Variants in SCARF1 observed in about 807,000 individuals in gnomAD.
The protein encoded by SCARF1 is scavenger receptor class F member 1.
Under a neutral mutation model 76.3 loss-of-function variants are expected in SCARF1, and 49 were observed. That is an observed-to-expected ratio of 0.64 (90% confidence interval 0.51 to 0.81). SCARF1 has a LOEUF of 0.81. SCARF1 is among the 40% of genes least tolerant of loss of function. The pLI, the probability that SCARF1 is intolerant of heterozygous loss-of-function variation, is 0.00. For missense variants in SCARF1, 1,098 were observed against 1,143.9 expected (o/e 0.96, Z 0.58); for synonymous variants, 495 against 474.6 (o/e 1.04, Z -0.56).
In SCARF1 at chr17:1,640,754, C is replaced by T. The variant is rs998120545; in HGVS notation, c.792-88G>A. The T allele has an allele frequency of 2.5e-5, 32 of 1,290,788 alleles. No individual in the cohort carries two copies. The East Asian group carries it at 3.0e-4, about 12-fold the overall frequency. The allele number at this position is 1,290,788 out of a possible 1,614,324, so 80.0% of individuals were successfully genotyped here. A position where few individuals can be genotyped will look rare whatever the true frequency, so the allele number is the denominator to read the frequency against. ...TACCCCTGTACTCCACGCAGGCCTT[C>T]GGGGGCCCTGGAGAGTGTTCGGGTC... is the stretch of plus-strand genomic sequence containing the variant. On this transcript the variant is annotated intron_variant, in intron 4 of 10. Coordinates refer to ENST00000263071, the MANE Select transcript of SCARF1 (RefSeq NM_003693.4). This position sits in a 1 kb window ranked among gnomAD's most constrained non-coding sequence, Gnocchi z 4.7.
At chr17:1,637,114 T>G in intron 8 of SCARF1, 52 bp from the exon 9 acceptor site, 1 of 1,591,718 alleles carries the variant, frequency 6.3e-7, no homozygotes, top group African/African-American at 1.3e-5. Flanking sequence ...CACGGTGACC[T>G]GGGTCACCTT....
In SCARF1 at chr17:1,634,367, G is replaced by C. The variant is rs1909334103; in HGVS notation, c.*391C>G. On this transcript the variant is annotated 3_prime_UTR_variant, in exon 11 of 11. Coordinates refer to ENST00000263071, the MANE Select transcript of SCARF1 (RefSeq NM_003693.4). ...TCGCACCACTGCACTCCAGCCTGGG[G>C]GACAGAGGGAGATTCTGTCTCAAAA... The C allele has an allele frequency of 1.4e-5, 5 of 358,516 alleles. No individual in the cohort carries two copies. Among genetic ancestry groups the C allele is most frequent in the Non-Finnish European group, 2.0e-5 (4 of 203,122 alleles). The allele number at this position is 358,516 out of a possible 1,614,324, so 22.2% of individuals were successfully genotyped here. A position where few individuals can be genotyped will look rare whatever the true frequency, so the allele number is the denominator to read the frequency against.
rs2151102702 is a variant in SCARF1, at chr17:1,645,579, G to A, written c.101+18C>T. The A allele has an allele frequency of 6.3e-7, 1 of 1,599,588 alleles. No homozygotes were observed. The highest frequency in any genetic ancestry group is 8.5e-7 in the Non-Finnish European group (1 of 1,176,728). ...ACCCACCTGCTGGCCACACGCATCA[G>A]ACTCCCACGAGACCCACCTGCTGGC... On this transcript the variant is annotated intron_variant, in intron 1 of 10. Transcript: ENST00000263071. This position sits in a 1 kb window ranked among gnomAD's most constrained non-coding sequence, Gnocchi z 6.3.
At position 1,640,187 on chromosome 17, in the gene SCARF1, G is replaced by C. The variant is rs1053951331; in HGVS notation, c.1011-147C>G. ...GAAGCTCAGGTGCAAATAGGGCCTTGAACTTGGGGCCAAATCCAGCAGGTG... is the reference window on the plus strand; with the variant it reads ...GAAGCTCAGGTGCAAATAGGGCCTTCAACTTGGGGCCAAATCCAGCAGGTG... On this transcript the variant is annotated intron_variant, in intron 5 of 10. Transcript: ENST00000263071. The surrounding 1 kb of genome is among the most constrained non-coding windows in gnomAD (Gnocchi z 4.7). The C allele has an allele frequency of 4.1e-6, 4 of 975,546 alleles. No individual in the cohort carries two copies. Among genetic ancestry groups the C allele is most frequent in the Non-Finnish European group, 5.9e-6 (4 of 672,334 alleles). 60.4% of individuals were successfully genotyped at this position (975,546 alleles called of 1,614,324 possible).
Position 1,643,807 on chromosome 17 carries a change from G to A in SCARF1, c.426C>T (p.Asp142=), listed in dbSNP as rs1474800258. 4 of 1,266,694 alleles carry A rather than the reference G, an allele frequency of 3.2e-6. No individual in the cohort carries two copies. 78.5% of individuals were successfully genotyped at this position (1,266,694 alleles called of 1,614,324 possible). Residue 142 remains aspartate, a synonymous_variant, in exon 4 of 11, where the codon GAC becomes GAT. Coordinates refer to ENST00000263071, the MANE Select transcript of SCARF1 (RefSeq NM_003693.4). ...PCACGPHGRC[D]PATGVCHCEP... is the part of the protein sequence containing the mutation. ...CGCAGTGGCACACGCCGGTCGCGGG[G>A]TCGCAGCGCCCGTGGGGGCCGCAGG...
rs761417015 is a variant in SCARF1 at position 1,644,523 on chromosome 17, G to T, written c.265+311C>A. 1 of 504,300 alleles carries T rather than the reference G, an allele frequency of 2.0e-6. No individual in the cohort carries two copies. Among genetic ancestry groups the T allele is most frequent in the Non-Finnish European group, 3.6e-6 (1 of 280,682 alleles). The allele number at this position is 504,300 out of a possible 1,614,324, so 31.2% of individuals were successfully genotyped here. On this transcript the variant is annotated intron_variant, in intron 3 of 10. Coordinates refer to ENST00000263071, the MANE Select transcript of SCARF1 (RefSeq NM_003693.4). The surrounding 1 kb of genome is among the most constrained non-coding windows in gnomAD (Gnocchi z 4.8). The stretch of plus-strand genomic sequence containing the variant: ...CCTTCCATCCACTGCCCATGTATAA[G>T]GTATATGTGGGAAAGGCAAGTAATA...
rs779875008 is a variant in SCARF1, at chr17:1,645,274, G to T, written c.102-35C>A. ...AAAAAGGGGTCAGCCGGACATGGTG[G>T]GGGGTGCAGCCTGGCCCTGAGGAAG... On this transcript the variant is annotated intron_variant, in intron 1 of 10. Coordinates refer to ENST00000263071, the MANE Select transcript of SCARF1 (RefSeq NM_003693.4). This position sits in a 1 kb window ranked among gnomAD's most constrained non-coding sequence, Gnocchi z 6.3. The T allele has an allele frequency of 3.0e-5, 48 of 1,609,450 alleles. No individual in the cohort carries two copies. In the South Asian group the frequency reaches 5.2e-4, roughly 17 times the overall value.
At chr17:1,642,913 G>A (rs967875642) in intron 4 of SCARF1, among the ~76,000 whole-genome samples, 1 of 152,138 alleles carries the variant, frequency 6.6e-6, no homozygotes, top group Admixed American at 6.5e-5. Context: ...TGTTGGCCAG[G>A]ATGGTCTCGA....
In SCARF1 at chr17:1,645,523, G is replaced by A. The variant is rs533023049; in HGVS notation, c.101+74C>T. On this transcript the variant is annotated intron_variant, in intron 1 of 10. Coordinates refer to ENST00000263071, the MANE Select transcript of SCARF1 (RefSeq NM_003693.4). The surrounding 1 kb of genome is among the most constrained non-coding windows in gnomAD (Gnocchi z 6.3). Reference sequence around the variant, plus strand: ...TCCTTCCCCTAACGGCCTCAACACCGGTTCAGCCACCCGCATCAGACTCCC... The same window carrying A: ...TCCTTCCCCTAACGGCCTCAACACCAGTTCAGCCACCCGCATCAGACTCCC... 1.2e-5 allele frequency: 19 copies of A among 1,552,430 alleles called. No homozygotes were observed. The highest frequency in any genetic ancestry group is 4.7e-5 in the South Asian group (4 of 85,722).
intron 7 of SCARF1, 129 bp downstream of exon 7, chr17:1,639,510 A>G (rs75446987): frequency 7.4e-4 from 40 of 54,232 alleles, no homozygotes; most frequent in Middle Eastern, 7.4e-3. Flanking sequence ...GTCTTAAGGG[A>G]AAAAAAAAAA....
Position 1,640,306 on chromosome 17 carries a change from C to T in SCARF1, c.1010+142G>A. ...CCAGGCCCCCCCAGAACCCACTGCT[C>T]TCCCCCAGTCTTCAACAGGAGGGAG... On this transcript the variant is annotated intron_variant, in intron 5 of 10. Coordinates refer to ENST00000263071, the MANE Select transcript of SCARF1 (RefSeq NM_003693.4). The surrounding 1 kb of genome is among the most constrained non-coding windows in gnomAD (Gnocchi z 4.7). 1 of 858,044 alleles carries T rather than the reference C, an allele frequency of 1.2e-6. No homozygotes were observed. Among genetic ancestry groups the T allele is most frequent in the Non-Finnish European group, 1.8e-6 (1 of 560,954 alleles). 53.2% of individuals were successfully genotyped at this position (858,044 alleles called of 1,614,324 possible). A position where few individuals can be genotyped will look rare whatever the true frequency, so the allele number is the denominator to read the frequency against.
intron 4 of SCARF1, among the ~76,000 whole-genome samples, chr17:1,642,947 C>A (rs899876413): frequency 6.6e-6 from 1 of 152,180 alleles, no homozygotes; most frequent in Non-Finnish European, 1.5e-5. Flanking sequence ...GGTGATGCAC[C>A]CGCCTCAGCC....
rs1909923236 is a variant in SCARF1 at position 1,640,204 on chromosome 17, C to T, written c.1011-164G>A. 5.9e-6 allele frequency: 5 copies of T among 844,882 alleles called. No homozygotes were observed. The highest frequency in any genetic ancestry group is 2.9e-5 in the Admixed American group (1 of 34,740). The allele number at this position is 844,882 out of a possible 1,614,324, so 52.3% of individuals were successfully genotyped here. A position where few individuals can be genotyped will look rare whatever the true frequency, so the allele number is the denominator to read the frequency against. ...AGGGCCTTGAACTTGGGGCCAAATC[C>T]AGCAGGTGACAGACTACAAGTCCCC... On this transcript the variant is annotated intron_variant, in intron 5 of 10. Coordinates refer to ENST00000263071, the MANE Select transcript of SCARF1 (RefSeq NM_003693.4). The surrounding 1 kb of genome is among the most constrained non-coding windows in gnomAD (Gnocchi z 4.7).
rs933771215 is a variant in SCARF1 at position 1,635,676 on chromosome 17, A to AC, written c.1634-60dup. 8.5e-6 allele frequency: 13 copies of AC among 1,530,396 alleles called. No individual in the cohort carries two copies. In the African/African-American group the frequency reaches 1.4e-4, roughly 16 times the overall value. 94.8% of individuals were successfully genotyped at this position (1,530,396 alleles called of 1,614,324 possible). On this transcript the variant is annotated intron_variant, in intron 10 of 10. Transcript: ENST00000263071. ...TGAACTGGCCACCCCAATGCATCCT[A>AC]CCCACAGCTCAGCATCTTCCAGGAG...
Position 1,644,816 on chromosome 17 carries a change from C to G in SCARF1, c.265+18G>C. 2.5e-6 allele frequency: 4 copies of G among 1,606,980 alleles called. No individual in the cohort carries two copies. The highest frequency in any genetic ancestry group is 3.4e-6 in the Non-Finnish European group (4 of 1,177,102). ...ACCCAGCTCTGCCCAGCAACTTCAT[C>G]TGGCCCTTGAGACTCACGGGAGCTG... On this transcript the variant is annotated intron_variant, in intron 3 of 10. Coordinates refer to ENST00000263071, the MANE Select transcript of SCARF1 (RefSeq NM_003693.4). This position sits in a 1 kb window ranked among gnomAD's most constrained non-coding sequence, Gnocchi z 4.8.
chr17:1,644,415 C>T lies in SCARF1; in HGVS notation c.265+419G>A, dbSNP rs1910348843. On this transcript the variant is annotated intron_variant, in intron 3 of 10. Coordinates refer to ENST00000263071, the MANE Select transcript of SCARF1 (RefSeq NM_003693.4). The surrounding 1 kb of genome is among the most constrained non-coding windows in gnomAD (Gnocchi z 4.8). ...TAGTGATTCCTTGATTCCTGATGCC[C>T]ACCCTCTGGCTCTCCTGCTTCCCAA... 1 of 280,280 alleles carries T rather than the reference C, an allele frequency of 3.6e-6. No homozygotes were observed. The highest frequency in any genetic ancestry group is 2.2e-5 in the African/African-American group (1 of 45,384). 17.4% of individuals were successfully genotyped at this position (280,280 alleles called of 1,614,324 possible).
rs1909494365 is a variant in SCARF1, at chr17:1,635,630, A to G, written c.1634-13T>C. 6.3e-7 allele frequency: 1 copy of G among 1,594,496 alleles called. No individual in the cohort carries two copies. The highest frequency in any genetic ancestry group is 1.3e-5 in the African/African-American group (1 of 74,828). On this transcript the variant is annotated splice_polypyrimidine_tract_variant and intron_variant, in intron 10 of 10. Coordinates refer to ENST00000263071, the MANE Select transcript of SCARF1 (RefSeq NM_003693.4). Reference sequence around the variant, plus strand: ...ACAGGGACCATCCCTGGCAGAGGAGACAGAAGAGCTTGGCTGGAGCTGAAC... The same window carrying G: ...ACAGGGACCATCCCTGGCAGAGGAGGCAGAAGAGCTTGGCTGGAGCTGAAC...
In SCARF1 at chr17:1,634,388, C is replaced by CAA. The variant is rs57812361; in HGVS notation, c.*368_*369dup. On this transcript the variant is annotated 3_prime_UTR_variant, in exon 11 of 11. Transcript: ENST00000263071. Reference sequence around the variant, plus strand: ...TGGGGGACAGAGGGAGATTCTGTCTCAAAAAAAAAAAAAAAAATTTGTTTA... The same window carrying CAA: ...TGGGGGACAGAGGGAGATTCTGTCTCAAAAAAAAAAAAAAAAAAATTTGTTTA... 197 of 329,404 alleles carry CAA rather than the reference C, an allele frequency of 6.0e-4. No homozygotes were observed. The highest frequency in any genetic ancestry group is 9.6e-4 in the African/African-American group (41 of 42,850). The allele number at this position is 329,404 out of a possible 1,614,324, so 20.4% of individuals were successfully genotyped here.
At chr17:1,643,246 CA>C (rs1910208753) in intron 4 of SCARF1, 195 bp downstream of exon 4, 1 of 64,990 alleles carries the variant, frequency 1.5e-5, no homozygotes, top group Non-Finnish European at 2.7e-5. Flanking sequence ...CCTCCCCGCC[CA>C]CCGGTGTCCG....
Sources: gnomAD v4.1 joint callset for allele counts (sites outside exome capture counted in the v4.1 genomes callset) on GRCh38, gnomAD v4.1.1 for gene constraint, Gnocchi (gnomAD v3.1) non-coding constraint, MANE v1.5 for transcripts, NCBI Gene and HGNC (gene_info 2026-07-23, HGNC 2026-07-21) for gene names.